EXOC1: variants seen among roughly 807,000 people sequenced by gnomAD.
The protein encoded by EXOC1 is exocyst complex component 1, also known as SEC3-like 1.
In EXOC1, 67 loss-of-function variants were observed where a neutral mutation model predicts 107.7. The ratio of observed to expected loss-of-function variants is 0.62; its 90% confidence interval spans 0.51 to 0.76. The LOEUF (loss-of-function observed/expected upper bound fraction) is 0.76, where lower values mean the gene tolerates loss of function less well. Among genes scored for constraint, EXOC1 ranks in the 30% least tolerant of loss-of-function variants. The pLI, the probability that EXOC1 is intolerant of heterozygous loss-of-function variation, is 0.00. For missense variants in EXOC1, 833 were observed against 1,055.7 expected (o/e 0.79, Z 2.92); for synonymous variants, 348 against 353.5 (o/e 0.98, Z 0.17).
chr4:55,860,313 C>T (rs1174993109), intron 2 of EXOC1, 98 bp from the exon 3 acceptor site: 1 of 1,464,844 alleles, frequency 6.8e-7, no homozygotes, highest in Non-Finnish European at 9.3e-7. Flanking sequence ...CTTTTAGTAT[C>T]AGCTACTAGG....
intron 5 of EXOC1, 50 bp from the exon 6 acceptor site, chr4:55,870,628 T>TTTTGTTTG (rs34281712): frequency 0.014 from 18,264 of 1,318,114 alleles, 183 homozygotes; most frequent in South Asian, 0.019. Flanking sequence ...CAAGTATGTT[T>TTTTGTTTG]TTTGTTTGTT....
In EXOC1 at chr4:55,893,589, C is replaced by T. The variant is rs746493906; in HGVS notation, c.1762C>T (p.Arg588Cys). Reference sequence around the variant, plus strand: ...CCGCCAAATGATGATTAAAATATTTCGCTGCATTGAGCCAGAGCTGAACAA... The same window carrying T: ...CCGCCAAATGATGATTAAAATATTTTGCTGCATTGAGCCAGAGCTGAACAA... The part of the protein sequence containing the change: ...MIRQMMIKIF[R>C]CIEPELNNLI... Residue 588 changes from arginine to cysteine, a missense_variant, in exon 15 of 19, where the codon CGC becomes TGC. Physicochemically the swap from Arg to Cys is radical, Grantham distance 180. Around this residue, in one of 2 missense-constraint regions of EXOC1, gnomAD observed 617 missense variants for 701.3 expected, o/e 0.88. Coordinates refer to ENST00000381295, the MANE Select transcript of EXOC1 (RefSeq NM_001024924.2). The T allele has an allele frequency of 2.2e-5, 36 of 1,613,640 alleles. No homozygotes were observed. Among genetic ancestry groups the T allele is most frequent in the South Asian group, 4.4e-5 (4 of 91,074 alleles).
intron 1 of EXOC1, 42 bp downstream of exon 1, chr4:55,853,995 C>T (rs1720713799): frequency 6.6e-6 from 1 of 152,256 alleles, no homozygotes; most frequent in Non-Finnish European, 1.5e-5. Flanking sequence ...GTCCCTTGTC[C>T]TCGGGTCTAG....
intron 8 of EXOC1, chr4:55,875,892 C>T: frequency 7.8e-6 from 7 of 892,950 alleles, no homozygotes; most frequent in Non-Finnish European, 9.4e-6. Context: ...TAGTAAGACT[C>T]CATCTCTATT....
intron 1 of EXOC1, among the ~76,000 whole-genome samples, chr4:55,857,610 A>G (rs1691469044): frequency 6.6e-6 from 1 of 152,018 alleles, no homozygotes; most frequent in Non-Finnish European, 1.5e-5. Flanking sequence ...TCATGTACAA[A>G]TTTTTGTGTG....
At chr4:55,870,006 T>C (rs1189052488) in intron 5 of EXOC1, among the ~76,000 whole-genome samples, 1 of 152,138 alleles carries the variant, frequency 6.6e-6, no homozygotes, top group African/African-American at 2.4e-5. Context: ...GTCAGAATCA[T>C]TTAGAAAATA....
rs1164769193 is a variant in EXOC1 at position 55,871,204 on chromosome 4, T to C, written c.935T>C (p.Leu312Pro). Residue 312 changes from leucine to proline, a missense_variant, in exon 7 of 19, where the codon CTG becomes CCG. Coordinates refer to ENST00000381295, the MANE Select transcript of EXOC1 (RefSeq NM_001024924.2). Reference sequence around the variant, plus strand: ...TGCACCAATGCTGCTGATGCCCTTCTGCAGTGCATGAATGTAGCTCTTCGA... The same window carrying C: ...TGCACCAATGCTGCTGATGCCCTTCCGCAGTGCATGAATGTAGCTCTTCGA... The part of the protein sequence containing the change: ...EACTNAADAL[L>P]QCMNVALRPG... The C allele has an allele frequency of 6.2e-7, 1 of 1,613,840 alleles. No individual in the cohort carries two copies. Among genetic ancestry groups the C allele is most frequent in the Admixed American group, 1.7e-5 (1 of 59,984 alleles).
intron 17 of EXOC1, among the ~76,000 whole-genome samples, chr4:55,901,473 T>G (rs1725904772): frequency 6.6e-6 from 1 of 152,034 alleles, no homozygotes. Context: ...AATAAAAGTA[T>G]ATATATAAAA....
chr4:55,893,464 T>A (rs1724823224), intron 14 of EXOC1, 88 bp from the exon 15 acceptor site: 1 of 1,154,864 alleles, frequency 8.7e-7, no homozygotes, highest in African/African-American at 1.6e-5. Context: ...ATTTTTGTCC[T>A]TTTGTATATA....
intron 15 of EXOC1, among the ~76,000 whole-genome samples, chr4:55,894,324 CAAA>C (rs200900566): frequency 8.7e-5 from 7 of 80,068 alleles, no homozygotes; most frequent in Admixed American, 1.3e-4. Flanking sequence ...AAGACTGTGT[CAAA>C]AAAAAAAAAA....
chr4:55,900,012 A>G, intron 17 of EXOC1, 128 bp downstream of exon 17: 1 of 672,184 alleles, frequency 1.5e-6, no homozygotes, highest in Non-Finnish European at 2.4e-6. Context: ...TCAGTTATTG[A>G]AGCTGCCAGT....
At chr4:55,866,035 A>G (rs374808067) in intron 4 of EXOC1, among the ~76,000 whole-genome samples, 8 of 152,090 alleles carry the variant, frequency 5.3e-5, no homozygotes, top group African/African-American at 1.9e-4. Flanking sequence ...ATGTCTACAA[A>G]CTTGTTTTAT....
chr4:55,876,242 C>G, intron 8 of EXOC1: 1 of 985,234 alleles, frequency 1.0e-6, no homozygotes, highest in South Asian at 4.7e-5. Context: ...GCTCTTAGTC[C>G]TCATTGATTC....
intron 15 of EXOC1, 57 bp downstream of exon 15, chr4:55,893,837 T>A: frequency 7.6e-7 from 1 of 1,321,180 alleles, no homozygotes; most frequent in Non-Finnish European, 1.1e-6. Context: ...AAAATATAGG[T>A]AAATGTATTT....
chr4:55,870,621 G>T (rs1328159297), intron 5 of EXOC1, 57 bp from the exon 6 acceptor site: 2 of 1,444,578 alleles, frequency 1.4e-6, no homozygotes, highest in Non-Finnish European at 1.9e-6. Flanking sequence ...TAAATAACAA[G>T]TATGTTTTTT....
In EXOC1 at chr4:55,891,352, G is replaced by T. The variant is rs199752108; in HGVS notation, c.1577G>T (p.Cys526Phe). ...EQVLSELEPLCLAEQDFISKF... is the reference protein window; with the variant it reads ...EQVLSELEPLFLAEQDFISKF... ...GTACTAAGTGAACTGGAGCCCCTAT[G>T]TCTGGCAGAACAGGACTTCATAAGT... The change falls in exon 13 of 19, where the codon TGT becomes TTT. Residue 526 changes from cysteine to phenylalanine, a missense_variant. By Grantham distance (205) the Cys-to-Phe change is radical (BLOSUM62 -2). Around this residue, in one of 2 missense-constraint regions of EXOC1, gnomAD observed 617 missense variants for 701.3 expected, o/e 0.88. Coordinates refer to ENST00000381295, the MANE Select transcript of EXOC1 (RefSeq NM_001024924.2). 2 of 1,613,868 alleles carry T rather than the reference G, an allele frequency of 1.2e-6. No individual in the cohort carries two copies. Among genetic ancestry groups the T allele is most frequent in the Non-Finnish European group, 1.7e-6 (2 of 1,179,946 alleles).
Position 55,877,911 on chromosome 4 carries a change from C to T in EXOC1, c.1075-6C>T. ...TACATTTATTTACTTATTTTACTCA[C>T]TTTAGGGTCATGATCAGAGTTCGAC... On this transcript the variant is annotated splice_region_variant and splice_polypyrimidine_tract_variant and intron_variant, in intron 8 of 18. Coordinates refer to ENST00000381295, the MANE Select transcript of EXOC1 (RefSeq NM_001024924.2). 6.2e-7 allele frequency: 1 copy of T among 1,613,262 alleles called. No individual in the cohort carries two copies. Among genetic ancestry groups the T allele is most frequent in the African/African-American group, 1.3e-5 (1 of 74,942 alleles).
chr4:55,885,742 G>A (rs1723814586), intron 10 of EXOC1: 2 of 152,140 alleles, frequency 1.3e-5, no homozygotes, highest in Non-Finnish European at 2.9e-5. Context: ...ATCAGCTACA[G>A]GAGAAGAAAA....
chr4:55,860,677 C>A, intron 3 of EXOC1, 136 bp downstream of exon 3: 2 of 999,266 alleles, frequency 2.0e-6, no homozygotes, highest in Non-Finnish European at 2.8e-6. Context: ...TTTTTTTAAG[C>A]TATAATTATG....
Sources: gnomAD v4.1 joint callset for allele counts (sites outside exome capture counted in the v4.1 genomes callset) on GRCh38, gnomAD v4.1.1 for gene constraint, gnomAD v4.1.1 regional missense constraint, MANE v1.5 for transcripts, NCBI Gene and HGNC (gene_info 2026-07-23, HGNC 2026-07-21) for gene names.